NAALADL2: variants seen among roughly 807,000 people sequenced by gnomAD.
NAALADL2 encodes N-acetylated alpha-linked acidic dipeptidase like 2, also known as inactive N-acetylated-alpha-linked acidic dipeptidase-like protein 2.
NAALADL2 carries 76 observed loss-of-function variants against 87.2 expected under a neutral mutation model. The ratio of observed to expected loss-of-function variants is 0.87; its 90% confidence interval spans 0.72 to 1.05. NAALADL2 has a LOEUF of 1.05. Among genes scored for constraint, NAALADL2 ranks in the 50% least tolerant of loss-of-function variants. The pLI, the probability that NAALADL2 is intolerant of heterozygous loss-of-function variation, is 0.00. For missense variants in NAALADL2, 1,089 were observed against 945.8 expected (o/e 1.15, Z -1.99); for synonymous variants, 354 against 331.0 (o/e 1.07, Z -0.75).
chr3:175,028,369 G>C (rs1342216787), intron 1 of NAALADL2, among the ~76,000 whole-genome samples: 1 of 151,886 alleles, frequency 6.6e-6, no homozygotes, highest in Non-Finnish European at 1.5e-5. Flanking sequence ...TAAATATATG[G>C]GTAAGGACAA....
At chr3:175,387,309 A>C (rs556613890) in intron 5 of NAALADL2, among the ~76,000 whole-genome samples, 6 of 152,116 alleles carry the variant, frequency 3.9e-5, no homozygotes, top group South Asian at 2.1e-4. Flanking sequence ...GAGTATTACA[A>C]AATTAAAGTG....
At chr3:174,524,727 AAAAG>A (rs1720578564) in intron 1 of NAALADL2, among the ~76,000 whole-genome samples, 1 of 151,866 alleles carries the variant, frequency 6.6e-6, no homozygotes, top group Non-Finnish European at 1.5e-5. Flanking sequence ...AAAAAAAAAA[AAAAG>A]AAGAAAACAT....
chr3:174,752,720 TG>T (rs1225230010), intron 3 of NAALADL2, among the ~76,000 whole-genome samples: 2 of 152,204 alleles, frequency 1.3e-5, no homozygotes, highest in Non-Finnish European at 2.9e-5. Flanking sequence ...AATTTATTTT[TG>T]TTAATTTTTT....
At chr3:174,713,303 C>T (rs992226173) in intron 2 of NAALADL2, among the ~76,000 whole-genome samples, 17 of 152,108 alleles carry the variant, frequency 1.1e-4, no homozygotes, top group Admixed American at 1.1e-3. Context: ...ATTTATAGTC[C>T]TTTGGGTATA....
intron 2 of NAALADL2, among the ~76,000 whole-genome samples, chr3:174,622,836 G>T (rs556103717): frequency 2.6e-5 from 4 of 152,024 alleles, no homozygotes; most frequent in African/African-American, 7.2e-5. Flanking sequence ...GTCGGGAGAT[G>T]GAGACCATCC....
intron 1 of NAALADL2, among the ~76,000 whole-genome samples, chr3:174,870,722 C>G (rs1025900555): frequency 2.6e-5 from 4 of 152,036 alleles, no homozygotes; most frequent in Non-Finnish European, 5.9e-5. Context: ...AAAAGAGCTA[C>G]TTTAAAAAAA....
At chr3:175,640,147 A>C (rs549882414) in intron 11 of NAALADL2, among the ~76,000 whole-genome samples, 3 of 152,344 alleles carry the variant, frequency 2.0e-5, no homozygotes, top group African/African-American at 7.2e-5. Flanking sequence ...GAACTTCATT[A>C]AACCTCTCTA....
At chr3:175,009,754 A>T (rs908294061) in intron 1 of NAALADL2, among the ~76,000 whole-genome samples, 1 of 152,262 alleles carries the variant, frequency 6.6e-6, no homozygotes. Flanking sequence ...TAATTCATAT[A>T]TGCCAAAAAT....
At position 175,806,178 on chromosome 3, in the gene NAALADL2, C is replaced by T. The variant is rs903238851; in HGVS notation, c.*2975C>T. Reference sequence around the variant, plus strand: ...CACTGCTTTTAATTCAAGGCTAGTTCATTCTCTGACTGTACCTGACAAACA... The same window carrying T: ...CACTGCTTTTAATTCAAGGCTAGTTTATTCTCTGACTGTACCTGACAAACA... On this transcript the variant is annotated 3_prime_UTR_variant, in exon 14 of 14. Coordinates refer to ENST00000454872, the MANE Select transcript of NAALADL2 (RefSeq NM_207015.3). 6.6e-6 allele frequency: 1 copy of T among 151,792 alleles called. No individual in the cohort carries two copies. Among genetic ancestry groups the T allele is most frequent in the Admixed American group, 6.6e-5 (1 of 15,204 alleles). The allele number at this position is 151,792 out of a possible 1,614,324, so 9.4% of individuals were successfully genotyped here.
At chr3:174,925,074 A>G (rs1044132583) in intron 1 of NAALADL2, among the ~76,000 whole-genome samples, 5 of 152,102 alleles carry the variant, frequency 3.3e-5, no homozygotes, top group South Asian at 4.1e-4. Flanking sequence ...CTTTCGTTTA[A>G]TTAGATCCCA....
At chr3:175,266,681 T>G (rs1312799614) in intron 4 of NAALADL2, among the ~76,000 whole-genome samples, 1 of 151,792 alleles carries the variant, frequency 6.6e-6, no homozygotes, top group Non-Finnish European at 1.5e-5. Context: ...GTAGGGTAAA[T>G]TTCGTCATAT....
At chr3:174,946,858 A>T (rs1200783842) in intron 1 of NAALADL2, among the ~76,000 whole-genome samples, 2 of 152,224 alleles carry the variant, frequency 1.3e-5, no homozygotes, top group African/African-American at 4.8e-5. Context: ...ATTCATTTAT[A>T]TTGAACATAT....
At chr3:175,075,736 C>T (rs527779564) in intron 1 of NAALADL2, among the ~76,000 whole-genome samples, 41 of 152,114 alleles carry the variant, frequency 2.7e-4, no homozygotes, top group African/African-American at 9.9e-4. Flanking sequence ...TAGTCAGGCC[C>T]AGAATAATAA....
intron 2 of NAALADL2, among the ~76,000 whole-genome samples, chr3:175,162,169 A>C (rs541368018): frequency 6.6e-6 from 1 of 152,238 alleles, no homozygotes; most frequent in Non-Finnish European, 1.5e-5. Context: ...AAGGCTATTA[A>C]ATTTCTCCTT....
intron 1 of NAALADL2, among the ~76,000 whole-genome samples, chr3:174,948,740 A>AATC (rs1450506024): frequency 2.6e-5 from 4 of 152,110 alleles, no homozygotes; most frequent in African/African-American, 9.7e-5. Flanking sequence ...TGGGGGCTGG[A>AATC]ATCATCTAGG....
intron 11 of NAALADL2, among the ~76,000 whole-genome samples, chr3:175,723,282 T>C (rs1389605308): frequency 6.6e-6 from 1 of 152,094 alleles, no homozygotes; most frequent in Non-Finnish European, 1.5e-5. Context: ...CCTTCAGTAC[T>C]CTCAGTACTC....
chr3:175,400,078 T>C (rs932144068), intron 5 of NAALADL2, among the ~76,000 whole-genome samples: 3 of 152,086 alleles, frequency 2.0e-5, no homozygotes, highest in African/African-American at 7.2e-5. Context: ...AAATGAAATA[T>C]ACCCTCATTC....
chr3:174,710,129 C>A (rs557396609), intron 2 of NAALADL2, among the ~76,000 whole-genome samples: 2 of 151,458 alleles, frequency 1.3e-5, no homozygotes, highest in South Asian at 4.2e-4. Context: ...AATCTAGGTA[C>A]TGCTGTGAAA....
intron 2 of NAALADL2, among the ~76,000 whole-genome samples, chr3:175,106,387 G>T (rs986475615): frequency 6.6e-6 from 1 of 151,982 alleles, no homozygotes; most frequent in Non-Finnish European, 1.5e-5. Flanking sequence ...GATACTGGCT[G>T]CCTATTCTGA....
Sources: gnomAD v4.1 joint callset for allele counts (sites outside exome capture counted in the v4.1 genomes callset) on GRCh38, gnomAD v4.1.1 for gene constraint, MANE v1.5 for transcripts, NCBI Gene and HGNC (gene_info 2026-07-23, HGNC 2026-07-21) for gene names.